PELI1: variants seen among roughly 807,000 people sequenced by gnomAD.
PELI1 encodes E3 ubiquitin-protein ligase pellino homolog 1.
A neutral mutation model predicts 41.3 loss-of-function variants in PELI1; 15 were observed. The observed-to-expected ratio is 0.36, with a 90% CI of 0.24 to 0.56. The LOEUF (loss-of-function observed/expected upper bound fraction) is 0.56, where lower values mean the gene tolerates loss of function less well. Ranked by LOEUF, PELI1 falls within the 20% of genes least tolerant of loss-of-function variation. The probability of loss-of-function intolerance (pLI) is 0.82; values close to 1 mark genes in which losing one functional copy is unlikely to be tolerated. For missense variants in PELI1, 403 were observed against 525.5 expected, an observed-to-expected ratio of 0.77 and a Z score of 2.28; for synonymous variants, 178 against 180.1, an observed-to-expected ratio of 0.99 and a Z score of 0.09.
At chr2:64,143,836 C>G (rs1349469669) in intron 1 of PELI1, among the ~76,000 whole-genome samples, 1 of 151,878 alleles carries the variant, frequency 6.6e-6, no homozygotes, top group African/African-American at 2.4e-5. Context: ...CCGCGCGCCC[C>G]GCTCCCGGGC....
chr2:64,130,426 T>C (rs575744700), intron 1 of PELI1, among the ~76,000 whole-genome samples: 1 of 152,378 alleles, frequency 6.6e-6, no homozygotes, highest in Admixed American at 6.5e-5. Flanking sequence ...AAGGCCCATT[T>C]GATGTTCTTT....
chr2:64,118,462 A>T (rs1384281806), intron 1 of PELI1, among the ~76,000 whole-genome samples: 1 of 152,206 alleles, frequency 6.6e-6, no homozygotes, highest in Admixed American at 6.5e-5. Context: ...AATCAGATTA[A>T]GCTTTTCATG....
intron 1 of PELI1, among the ~76,000 whole-genome samples, chr2:64,140,026 T>C (rs1681846008): frequency 6.6e-6 from 1 of 152,230 alleles, no homozygotes; most frequent in East Asian, 1.9e-4. Context: ...GTCAACTACA[T>C]TTAAACATTT....
chr2:64,131,022 G>T (rs1017960371), intron 1 of PELI1, among the ~76,000 whole-genome samples: 7 of 152,146 alleles, frequency 4.6e-5, no homozygotes, highest in African/African-American at 1.7e-4. Context: ...AACACATAAA[G>T]ACTCTGTTGT....
intron 1 of PELI1, among the ~76,000 whole-genome samples, chr2:64,139,587 G>A (rs759375871): frequency 6.6e-6 from 1 of 152,126 alleles, no homozygotes; most frequent in African/African-American, 2.4e-5. Flanking sequence ...CAGCAACTGC[G>A]CCCAGCCATT....
chr2:64,134,534 A>G (rs1681656336), intron 1 of PELI1, among the ~76,000 whole-genome samples: 1 of 152,186 alleles, frequency 6.6e-6, no homozygotes, highest in Non-Finnish European at 1.5e-5. Context: ...TCTAATTAGA[A>G]GCAGCCGCTA....
At chr2:64,130,003 T>C (rs1337785669) in intron 1 of PELI1, among the ~76,000 whole-genome samples, 1 of 152,210 alleles carries the variant, frequency 6.6e-6, no homozygotes, top group East Asian at 1.9e-4. Flanking sequence ...CGAAAAATTA[T>C]TGTGGTGGCT....
intron 4 of PELI1, among the ~76,000 whole-genome samples, chr2:64,099,813 G>T (rs1680364536): frequency 6.7e-6 from 1 of 150,254 alleles, no homozygotes. Context: ...AAATCTATCA[G>T]TTTATAAAAT....
At chr2:64,125,491 T>C (rs976571432) in intron 1 of PELI1, among the ~76,000 whole-genome samples, 2 of 152,188 alleles carry the variant, frequency 1.3e-5, no homozygotes, top group Non-Finnish European at 2.9e-5. Context: ...TTCAAATACA[T>C]AGCTCAATAT....
At chr2:64,140,822 G>A (rs191208205) in intron 1 of PELI1, among the ~76,000 whole-genome samples, 1,340 of 86,782 alleles carry the variant, frequency 0.015, 29 homozygotes, top group Non-Finnish European at 0.019. Flanking sequence ...AAAAAACCTA[G>A]GGGCAGAACT....
intron 1 of PELI1, among the ~76,000 whole-genome samples, chr2:64,132,207 A>G (rs764487006): frequency 6.6e-6 from 1 of 152,136 alleles, no homozygotes; most frequent in Non-Finnish European, 1.5e-5. Context: ...AACTTTATAT[A>G]TTATCTCTAT....
At chr2:64,105,535 T>C (rs1476089312) in intron 2 of PELI1, among the ~76,000 whole-genome samples, 1 of 152,220 alleles carries the variant, frequency 6.6e-6, no homozygotes, top group African/African-American at 2.4e-5. Flanking sequence ...GTGTTTACTA[T>C]GTACCAGGCA....
chr2:64,114,797 T>C (rs1186053337), intron 1 of PELI1, among the ~76,000 whole-genome samples: 1 of 152,142 alleles, frequency 6.6e-6, no homozygotes. Context: ...AACATTCTAG[T>C]TGTGACTTTA....
Position 64,094,995 on chromosome 2 carries a change from T to C in PELI1, c.964A>G (p.Asn322Asp), listed in dbSNP as rs1292585585. ...TCTTTTCCATCACGTTCTTCTTTGT[T>C]TCCCCAGTTATGATAGCCATGTACA... ...GHVHGYHNWG[N>D]KEERDGKDRE... Residue 322 changes from asparagine to aspartate, a missense_variant, in exon 7 of 7, where the codon AAC becomes GAC. By Grantham distance (23) the Asn-to-Asp change is conservative. Transcript: ENST00000358912. 6.2e-7 allele frequency: 1 copy of C among 1,614,132 alleles called. No homozygotes were observed. Among genetic ancestry groups the C allele is most frequent in the Non-Finnish European group, 8.5e-7 (1 of 1,180,048 alleles).
At chr2:64,127,801 T>C (rs1681436961) in intron 1 of PELI1, among the ~76,000 whole-genome samples, 1 of 152,284 alleles carries the variant, frequency 6.6e-6, no homozygotes, top group Middle Eastern at 3.4e-3. Context: ...CCCCTGAAAG[T>C]TGAAATTTAG....
At chr2:64,101,712 C>G (rs1281129949) in intron 3 of PELI1, among the ~76,000 whole-genome samples, 1 of 151,386 alleles carries the variant, frequency 6.6e-6, no homozygotes, top group Non-Finnish European at 1.5e-5. Flanking sequence ...TTAAGACTGT[C>G]AAATTTCCAA....
chr2:64,103,144 G>C (rs1680503515), intron 3 of PELI1, among the ~76,000 whole-genome samples: 1 of 152,086 alleles, frequency 6.6e-6, no homozygotes, highest in Non-Finnish European at 1.5e-5. Flanking sequence ...ACCCAGCCAA[G>C]AGTCAATCTG....
intron 1 of PELI1, among the ~76,000 whole-genome samples, chr2:64,141,265 C>T (rs922955842): frequency 1.8e-4 from 27 of 151,934 alleles, no homozygotes; most frequent in African/African-American, 6.5e-4. Context: ...TTACTGTCCT[C>T]AAAGACATAA....
At chr2:64,103,769 GTTTA>G (rs905404371) in intron 3 of PELI1, among the ~76,000 whole-genome samples, 4 of 152,098 alleles carry the variant, frequency 2.6e-5, no homozygotes, top group Admixed American at 2.0e-4. Flanking sequence ...TCTGTCTCTT[GTTTA>G]TTTAATTTAC....
Sources: allele counts gnomAD v4.1 joint callset (sites outside exome capture counted in the v4.1 genomes callset), GRCh38; gene constraint gnomAD v4.1.1; transcripts MANE v1.5; gene names NCBI Gene and HGNC (gene_info 2026-07-23, HGNC 2026-07-21).